The following CACNA2D1 variants were observed in gnomAD, a reference collection of about 807,000 sequenced individuals.
The protein encoded by CACNA2D1 is voltage-dependent calcium channel subunit alpha-2/delta-1.
Under a neutral mutation model 171.5 loss-of-function variants are expected in CACNA2D1, and 53 were observed. The observed-to-expected ratio is 0.31, with a 90% CI of 0.25 to 0.39. The LOEUF (loss-of-function observed/expected upper bound fraction) is 0.39. Among genes scored for constraint, CACNA2D1 ranks in the 10% least tolerant of loss-of-function variants. The pLI is 1.00. For missense variants in CACNA2D1, 903 were observed against 1,299.8 expected (o/e 0.69, Z 4.69); for synonymous variants, 442 against 443.1 (o/e 1.00, Z 0.03).
intron 3 of CACNA2D1, among the ~76,000 whole-genome samples, chr7:82,297,096 A>AAAAAAAAAAAAAT (rs1377126136): frequency 7.5e-6 from 1 of 133,076 alleles, no homozygotes; most frequent in African/African-American, 2.9e-5. Context: ...AAAAAAAAAA[A>AAAAAAAAAAAAAT]ATTAGCCAGG....
At chr7:82,111,445 T>TATA (rs370516065) in intron 6 of CACNA2D1, among the ~76,000 whole-genome samples, 1,816 of 48,984 alleles carry the variant, frequency 0.037, 249 homozygotes, top group African/African-American at 0.042. Context: ...TATATATATA[T>TATA]TTTTTTTTTT....
intron 1 of CACNA2D1, among the ~76,000 whole-genome samples, chr7:82,414,244 A>G (rs1827953100): frequency 6.6e-6 from 1 of 152,222 alleles, no homozygotes; most frequent in Admixed American, 6.5e-5. Flanking sequence ...TGTGCTCTAC[A>G]GTCTTCAAAG....
At position 82,183,979 on chromosome 7, in the gene CACNA2D1, T is replaced by C. The variant is rs78409330; in HGVS notation, c.295-13370A>G. Among the ~76,000 whole-genome samples, 219 of 152,024 alleles carry C rather than the reference T, an allele frequency of 1.4e-3. 4 individuals are homozygous for C. In the East Asian group the frequency reaches 0.038, roughly 26 times the overall value. On this transcript the variant is annotated intron_variant, in intron 3 of 38. Transcript: ENST00000356860. ...ATTCTTTGACTGGTGGTAAACTATT[T>C]ATCATTCCTGACTTGTTATATTAAT...
chr7:82,321,473 C>A (rs1722131056), intron 3 of CACNA2D1, among the ~76,000 whole-genome samples: 1 of 152,092 alleles, frequency 6.6e-6, no homozygotes, highest in Admixed American at 6.6e-5. Flanking sequence ...GCTTTCGCCT[C>A]AAAATGTAAC....
intron 2 of CACNA2D1, among the ~76,000 whole-genome samples, chr7:82,342,325 T>C (rs1403823967): frequency 6.6e-6 from 1 of 152,174 alleles, no homozygotes; most frequent in Non-Finnish European, 1.5e-5. Context: ...AAGATTTTTG[T>C]CTGTTTTGTT....
intron 5 of CACNA2D1, among the ~76,000 whole-genome samples, chr7:82,130,055 A>T (rs1226170128): frequency 6.6e-6 from 1 of 152,234 alleles, no homozygotes; most frequent in East Asian, 1.9e-4. Context: ...CTAGAATATA[A>T]CTATGACGTG....
At chr7:82,079,995 AT>A (rs954745040) in intron 7 of CACNA2D1, among the ~76,000 whole-genome samples, 2 of 150,420 alleles carry the variant, frequency 1.3e-5, no homozygotes, top group Non-Finnish European at 2.9e-5. Flanking sequence ...TCAATTTTTA[AT>A]TTTTTTATTT....
intron 1 of CACNA2D1, among the ~76,000 whole-genome samples, chr7:82,404,708 T>C (rs909802661): frequency 6.6e-6 from 1 of 152,198 alleles, no homozygotes; most frequent in African/African-American, 2.4e-5. Context: ...ATACTATTAA[T>C]TTTACAACTG....
intron 3 of CACNA2D1, among the ~76,000 whole-genome samples, chr7:82,236,163 G>A (rs377419833): frequency 8.4e-4 from 128 of 152,098 alleles, no homozygotes; most frequent in African/African-American, 2.9e-3. Flanking sequence ...ACGGAGAAGA[G>A]AAAAATCCTC....
chr7:81,957,480 T>G (rs1793545042), intron 38 of CACNA2D1, among the ~76,000 whole-genome samples: 1 of 151,966 alleles, frequency 6.6e-6, no homozygotes. Flanking sequence ...ACATGAAAAC[T>G]TGCAGTAAAA....
At chr7:81,978,762 TATATATATACACACACACACACA>T (rs1796125791) in intron 24 of CACNA2D1, among the ~76,000 whole-genome samples, 1 of 142,012 alleles carries the variant, frequency 7.0e-6, no homozygotes, top group African/African-American at 2.6e-5. Context: ...TGTATATATA[TATATATATACACACACACACACA>T]CTGTTCAAAA....
In CACNA2D1 at chr7:81,997,175, T is replaced by G; in HGVS notation, c.1662+4A>C. ...AATTGTTTAGTCTTACTGATTCCAC[T>G]CACCTCCACTTTAATATCATTCTCT... On this transcript the variant is annotated splice_donor_region_variant and intron_variant, in intron 19 of 38. Coordinates refer to ENST00000356860, the MANE Select transcript of CACNA2D1 (RefSeq NM_000722.4). The G allele has an allele frequency of 3.2e-6, 5 of 1,558,316 alleles. No individual in the cohort carries two copies. The highest frequency in any genetic ancestry group is 4.4e-6 in the Non-Finnish European group (5 of 1,129,236).
intron 3 of CACNA2D1, among the ~76,000 whole-genome samples, chr7:82,262,226 G>A (rs1412262504): frequency 6.6e-6 from 1 of 152,168 alleles, no homozygotes; most frequent in East Asian, 1.9e-4. Flanking sequence ...AGCTACTCGG[G>A]AGGCTGAGGC....
chr7:81,961,203 C>A (rs1268012359), intron 36 of CACNA2D1, among the ~76,000 whole-genome samples: 1 of 152,020 alleles, frequency 6.6e-6, no homozygotes, highest in Non-Finnish European at 1.5e-5. Flanking sequence ...GCTCTCCTCT[C>A]AGGAATCCTG....
At chr7:82,297,072 C>CAAAAAAAAAAAAAAAAA (rs57473351) in intron 3 of CACNA2D1, among the ~76,000 whole-genome samples, 13 of 72,252 alleles carry the variant, frequency 1.8e-4, no homozygotes, top group South Asian at 4.8e-4. Context: ...CTGTGTCTAC[C>CAAAAAAAAAAAAAAAAA]AAAAAAAAAA....
At chr7:82,123,878 G>A (rs1790024134) in intron 5 of CACNA2D1, among the ~76,000 whole-genome samples, 1 of 152,020 alleles carries the variant, frequency 6.6e-6, no homozygotes, top group Non-Finnish European at 1.5e-5. Context: ...TAGGTAGTAT[G>A]CTTTAAATGC....
rs375841630 is a variant in CACNA2D1, at chr7:82,192,611, G to A, written c.295-22002C>T. ...AATCAGTGAAGAAAACAGAAATTAA[G>A]AATTCAAGATGTGTAAGTATTAAAT... On this transcript the variant is annotated intron_variant, in intron 3 of 38. Transcript: ENST00000356860. 2.6e-5 allele frequency among the ~76,000 whole-genome samples: 4 copies of A among 151,302 alleles called. No homozygotes were observed. The East Asian group carries it at 5.8e-4, about 22-fold the overall frequency.
chr7:82,040,460 A>AAAAAC (rs1554367614), intron 10 of CACNA2D1, among the ~76,000 whole-genome samples: 1 of 146,648 alleles, frequency 6.8e-6, no homozygotes, highest in East Asian at 2.0e-4. Flanking sequence ...TTCAAAAAAA[A>AAAAAC]AAAAAAAAAA....
At chr7:82,319,746 G>T (rs1563361249) in intron 3 of CACNA2D1, among the ~76,000 whole-genome samples, 1 of 152,138 alleles carries the variant, frequency 6.6e-6, no homozygotes, top group Non-Finnish European at 1.5e-5. Context: ...AAACAATCAG[G>T]GGTGACTGGT....
Sources: allele counts gnomAD v4.1 joint callset (sites outside exome capture counted in the v4.1 genomes callset), GRCh38; gene constraint gnomAD v4.1.1; transcripts MANE v1.5; gene names NCBI Gene and HGNC (gene_info 2026-07-23, HGNC 2026-07-21).